The following PRRX2 variants were observed in gnomAD, a reference collection of about 807,000 sequenced individuals.
PRRX2 encodes the protein paired mesoderm homeobox protein 2.
A neutral mutation model predicts 18.0 loss-of-function variants in PRRX2; 11 were observed. The observed-to-expected ratio is 0.61, with a 90% CI of 0.39 to 1.01. The LOEUF (loss-of-function observed/expected upper bound fraction) is 1.01, where lower values mean the gene tolerates loss of function less well. Among genes scored for constraint, PRRX2 ranks in the 50% least tolerant of loss-of-function variants. The pLI is 0.01. For missense variants in PRRX2, 387 were observed against 351.0 expected (o/e 1.10, Z -0.82); for synonymous variants, 177 against 154.8 (o/e 1.14, Z -1.06).
intron 1 of PRRX2, among the ~76,000 whole-genome samples, chr9:129,666,948 G>A (rs1350288882): frequency 6.6e-6 from 1 of 152,144 alleles, no homozygotes; most frequent in Non-Finnish European, 1.5e-5. Context: ...CCTGAAGTGT[G>A]CCCGCCTGAC....
At chr9:129,673,462 A>G (rs1301286489) in intron 1 of PRRX2, among the ~76,000 whole-genome samples, 1 of 152,178 alleles carries the variant, frequency 6.6e-6, no homozygotes, top group Non-Finnish European at 1.5e-5. Flanking sequence ...GTCTCAAAAA[A>G]TAAAAAAACG....
At chr9:129,707,061 GC>G (rs1278409181) in intron 1 of PRRX2, among the ~76,000 whole-genome samples, 12 of 152,144 alleles carry the variant, frequency 7.9e-5, no homozygotes, top group Admixed American at 6.5e-5. Flanking sequence ...TTCGAGATTA[GC>G]CTGGCCAACA....
At chr9:129,722,162 C>G (rs1832801225) in intron 3 of PRRX2, 55 bp from the exon 4 acceptor site, 1 of 1,586,278 alleles carries the variant, frequency 6.3e-7, no homozygotes, top group Non-Finnish European at 8.6e-7. Context: ...GGGTCGAGCA[C>G]TGATACCCAG....
At chr9:129,673,926 G>A (rs1288507957) in intron 1 of PRRX2, among the ~76,000 whole-genome samples, 1 of 152,150 alleles carries the variant, frequency 6.6e-6, no homozygotes, top group Non-Finnish European at 1.5e-5. Flanking sequence ...GAAGAGATGG[G>A]GTGCCCGGCG....
At chr9:129,676,883 G>GA (rs1832167619) in intron 1 of PRRX2, among the ~76,000 whole-genome samples, 1 of 152,212 alleles carries the variant, frequency 6.6e-6, no homozygotes, top group African/African-American at 2.4e-5. Flanking sequence ...AAAATCCAGA[G>GA]AAAACCTCCC....
rs1454073095 is a variant in PRRX2 at position 129,680,272 on chromosome 9, G to A, written c.259+14146G>A. 1.3e-4 allele frequency among the ~76,000 whole-genome samples: 19 copies of A among 151,850 alleles called. No individual in the cohort carries two copies. In the East Asian group the frequency reaches 3.7e-3, roughly 30 times the overall value. The stretch of plus-strand genomic sequence containing the variant: ...CGAAGTTAGCTGGGCGTGGTGGCGT[G>A]CACCTGTAATCCCAACTACTCCGGA... On this transcript the variant is annotated intron_variant, in intron 1 of 3. Transcript: ENST00000372469.
intron 3 of PRRX2, among the ~76,000 whole-genome samples, chr9:129,721,047 G>A (rs950916832): frequency 1.3e-5 from 2 of 152,350 alleles, no homozygotes; most frequent in Non-Finnish European, 2.9e-5. Context: ...ACATGCCTGC[G>A]TATGCAAAGG....
chr9:129,722,577 A>G lies in PRRX2; in HGVS notation c.*225A>G, dbSNP rs1039515281. On this transcript the variant is annotated 3_prime_UTR_variant, in exon 4 of 4. Coordinates refer to ENST00000372469, the MANE Select transcript of PRRX2 (RefSeq NM_016307.4). ...ACAACCCTTGGAGGGGTTGGGCCGG[A>G]AGGTGGAAGAGCCTGCCAAGGACCT... 4 of 416,162 alleles carry G rather than the reference A, an allele frequency of 9.6e-6. No homozygotes were observed. The highest frequency in any genetic ancestry group is 1.6e-5 in the Non-Finnish European group (4 of 244,834). The allele number at this position is 416,162 out of a possible 1,614,324, so 25.8% of individuals were successfully genotyped here.
intron 1 of PRRX2, 113 bp downstream of exon 1, chr9:129,666,239 G>A: frequency 1.1e-6 from 1 of 872,714 alleles, no homozygotes; most frequent in Non-Finnish European, 1.4e-6. Flanking sequence ...GCGCGTGGTC[G>A]GCGGCAGGAC....
chr9:129,718,955 CTG>C (rs1171629319), intron 1 of PRRX2, among the ~76,000 whole-genome samples: 2 of 152,130 alleles, frequency 1.3e-5, no homozygotes, highest in Non-Finnish European at 1.5e-5. Flanking sequence ...TTGGCTCAGA[CTG>C]GGGTTTCCAC....
intron 1 of PRRX2, among the ~76,000 whole-genome samples, chr9:129,669,562 G>A (rs1832075368): frequency 6.6e-6 from 1 of 152,268 alleles, no homozygotes; most frequent in Non-Finnish European, 1.5e-5. Flanking sequence ...CTCAGGGCTG[G>A]TACCTGCTTT....
At chr9:129,677,397 C>T (rs1349509734) in intron 1 of PRRX2, among the ~76,000 whole-genome samples, 1 of 152,272 alleles carries the variant, frequency 6.6e-6, no homozygotes, top group Non-Finnish European at 1.5e-5. Context: ...CACCTCACGC[C>T]GGTGCCTCAG....
At chr9:129,712,331 G>A (rs1832634811) in intron 1 of PRRX2, among the ~76,000 whole-genome samples, 1 of 152,230 alleles carries the variant, frequency 6.6e-6, no homozygotes. Flanking sequence ...CAAATAGAGT[G>A]TGTCTCTCAA....
chr9:129,694,935 C>T (rs1832402541), intron 1 of PRRX2, among the ~76,000 whole-genome samples: 1 of 152,234 alleles, frequency 6.6e-6, no homozygotes, highest in African/African-American at 2.4e-5. Flanking sequence ...CCACCATCCC[C>T]TCTCATCAGC....
intron 1 of PRRX2, among the ~76,000 whole-genome samples, chr9:129,689,056 G>A (rs73670173): frequency 1.5e-3 from 225 of 152,286 alleles, no homozygotes; most frequent in African/African-American, 5.1e-3. Flanking sequence ...CTGCGGGTAG[G>A]CTCATGGCTT....
At position 129,715,748 on chromosome 9, in the gene PRRX2, TCTCA is replaced by T. The variant is rs902421880; in HGVS notation, c.260-3481_260-3478del. Among the ~76,000 whole-genome samples, 3 of 92,872 alleles carry T rather than the reference TCTCA, an allele frequency of 3.2e-5. No individual in the cohort carries two copies. Among genetic ancestry groups the T allele is most frequent in the African/African-American group, 5.0e-5 (1 of 19,802 alleles). The allele number at this position is 92,872 out of a possible 152,430, so 60.9% of individuals were successfully genotyped here. Reference sequence around the variant, plus strand: ...CCAAACCCAGCTTCAGGGACATCTTTCTCACACACACACACACACACACACACAC... The same window carrying T: ...CCAAACCCAGCTTCAGGGACATCTTTCACACACACACACACACACACACAC... On this transcript the variant is annotated intron_variant, in intron 1 of 3. Coordinates refer to ENST00000372469, the MANE Select transcript of PRRX2 (RefSeq NM_016307.4). The surrounding 1 kb of genome is among the most constrained non-coding windows in gnomAD (Gnocchi z 4.0).
chr9:129,684,532 A>ACACACACACACACACACACACACACC lies in PRRX2; in HGVS notation c.259+18407_259+18408insACACACACACACACACACACACACCC, dbSNP rs1165343797. Among the ~76,000 whole-genome samples the ACACACACACACACACACACACACACC allele has an allele frequency of 6.1e-4, 86 of 140,354 alleles. 2 individuals carry two copies. Among genetic ancestry groups the ACACACACACACACACACACACACACC allele is most frequent in the Middle Eastern group, 3.5e-3 (1 of 282 alleles). The allele number at this position is 140,354 out of a possible 152,430, so 92.1% of individuals were successfully genotyped here. ...CACACACACACACACACCCACACAC[A>ACACACACACACACACACACACACACC]CCCCAACAGAAAAGAGACCAGAAAT... On this transcript the variant is annotated intron_variant, in intron 1 of 3. Coordinates refer to ENST00000372469, the MANE Select transcript of PRRX2 (RefSeq NM_016307.4).
intron 1 of PRRX2, among the ~76,000 whole-genome samples, chr9:129,677,308 G>GA (rs1369512461): frequency 6.6e-6 from 1 of 152,242 alleles, no homozygotes; most frequent in African/African-American, 2.4e-5. Flanking sequence ...TACAGGCGAG[G>GA]AAACCGAGGC....
intron 1 of PRRX2, among the ~76,000 whole-genome samples, chr9:129,688,770 G>T (rs781632747): frequency 1.3e-5 from 2 of 152,200 alleles, no homozygotes; most frequent in Admixed American, 1.3e-4. Context: ...GGGGTTCTGG[G>T]CATCAGGAGA....
Sources: allele counts gnomAD v4.1 joint callset (sites outside exome capture counted in the v4.1 genomes callset), GRCh38; gene constraint gnomAD v4.1.1; non-coding constraint Gnocchi (gnomAD v3.1); transcripts MANE v1.5; gene names NCBI Gene and HGNC (gene_info 2026-07-23, HGNC 2026-07-21).